Variants in BTBD9 observed in about 807,000 individuals in gnomAD.
The protein encoded by BTBD9 is BTB domain containing 9.
A neutral mutation model predicts 64.3 loss-of-function variants in BTBD9; 49 were observed. The observed-to-expected ratio is 0.76, with a 90% CI of 0.61 to 0.97. The LOEUF (loss-of-function observed/expected upper bound fraction) is 0.97, where lower values mean the gene tolerates loss of function less well. Among genes scored for constraint, BTBD9 ranks in the 50% least tolerant of loss-of-function variants. The probability of loss-of-function intolerance (pLI) is 0.00; values close to 1 mark genes in which losing one functional copy is unlikely to be tolerated. For synonymous variants in BTBD9, 260 were observed against 274.7 expected, an observed-to-expected ratio of 0.95 and a Z score of 0.53; for missense variants, 598 against 762.1, an observed-to-expected ratio of 0.78 and a Z score of 2.53.
At chr6:38,549,292 T>C (rs1162988395) in intron 6 of BTBD9, among the ~76,000 whole-genome samples, 2 of 152,204 alleles carry the variant, frequency 1.3e-5, no homozygotes, top group Non-Finnish European at 2.9e-5. Context: ...TATGGTTAAA[T>C]AGATAATGGA....
intron 7 of BTBD9, among the ~76,000 whole-genome samples, chr6:38,320,889 A>G (rs1187275264): frequency 6.6e-6 from 1 of 152,222 alleles, no homozygotes; most frequent in African/African-American, 2.4e-5. Flanking sequence ...GCAAAGGAAG[A>G]ACCAATAACA....
At chr6:38,328,968 ATGTGTG>A (rs70981541) in intron 7 of BTBD9, among the ~76,000 whole-genome samples, 23,177 of 127,082 alleles carry the variant, frequency 0.18, 1,782 homozygotes, top group Admixed American at 0.22. Flanking sequence ...GAAAGAAAAT[ATGTGTG>A]TGTGTGTGTG....
rs1021584197 is a variant in BTBD9, at chr6:38,638,305, G to C, written c.-28+1495C>G. ...CTACTGCTCTCAAAGGGAAAAAAAA[G>C]ACAGGTCTTCTATGTCATTTTTCAC... On this transcript the variant is annotated intron_variant, in intron 1 of 10. Transcript: ENST00000481247. Among the ~76,000 whole-genome samples the C allele has an allele frequency of 3.9e-5, 6 of 152,094 alleles. 1 individual carries two copies. The highest frequency in any genetic ancestry group is 3.9e-4 in the Admixed American group (6 of 15,264).
intron 7 of BTBD9, among the ~76,000 whole-genome samples, chr6:38,310,647 A>G (rs543315513): frequency 1.3e-5 from 2 of 152,294 alleles, no homozygotes; most frequent in East Asian, 3.9e-4. Context: ...AAATGGATAC[A>G]GTAGTTTTTT....
At chr6:38,629,464 C>T (rs985980425) in intron 1 of BTBD9, among the ~76,000 whole-genome samples, 61 of 152,156 alleles carry the variant, frequency 4.0e-4, no homozygotes, top group Admixed American at 3.9e-3. Flanking sequence ...TCTATATTAC[C>T]GCCAAAACTG....
rs544033905 is a variant in BTBD9 at position 38,342,498 on chromosome 6, T to C, written c.1264+2486A>G. On this transcript the variant is annotated intron_variant, in intron 7 of 10. Coordinates refer to ENST00000481247, the MANE Select transcript of BTBD9 (RefSeq NM_001099272.2). ...TTGCAGTGAGGCAAGATTGTGCCAC[T>C]GCACTCCAGCCTGGACAACAGAGCG... Among the ~76,000 whole-genome samples the C allele has an allele frequency of 2.8e-5, 4 of 140,426 alleles. No individual in the cohort carries two copies. The East Asian group carries it at 6.4e-4, about 22-fold the overall frequency. The allele number at this position is 140,426 out of a possible 152,430, so 92.1% of individuals were successfully genotyped here.
chr6:38,282,817 C>T (rs1285972059), intron 8 of BTBD9, among the ~76,000 whole-genome samples: 1 of 152,158 alleles, frequency 6.6e-6, no homozygotes, highest in Non-Finnish European at 1.5e-5. Flanking sequence ...CCTTCCTGAC[C>T]ACCCAATCTA....
At chr6:38,375,916 A>AAAGT (rs1448914956) in intron 6 of BTBD9, among the ~76,000 whole-genome samples, 37 of 137,096 alleles carry the variant, frequency 2.7e-4, no homozygotes, top group Admixed American at 1.4e-3. Flanking sequence ...AGAAAGAAAG[A>AAAGT]AAGAAAGAAA....
chr6:38,556,022 T>A (rs888322470), intron 6 of BTBD9, among the ~76,000 whole-genome samples: 4 of 152,324 alleles, frequency 2.6e-5, no homozygotes, highest in Non-Finnish European at 5.9e-5. Context: ...TTAGTGAACA[T>A]TTTTATACTA....
intron 6 of BTBD9, among the ~76,000 whole-genome samples, chr6:38,362,921 TG>T (rs1307360152): frequency 6.6e-5 from 10 of 152,054 alleles, no homozygotes; most frequent in African/African-American, 2.4e-4. Context: ...CTTTCACTCA[TG>T]GGAATCTCAG....
intron 5 of BTBD9, 56 bp from the exon 6 acceptor site, chr6:38,577,775 A>C: frequency 1.3e-6 from 2 of 1,493,058 alleles, no homozygotes; most frequent in East Asian, 2.3e-5. Context: ...AACAATACAA[A>C]GCTGTACTTT....
intron 6 of BTBD9, among the ~76,000 whole-genome samples, chr6:38,464,006 TG>T (rs1288653992): frequency 1.3e-5 from 2 of 152,114 alleles, no homozygotes; most frequent in African/African-American, 4.8e-5. Context: ...CACTCCAGCC[TG>T]GGGAACAAAG....
At chr6:38,305,330 C>G (rs1225863785) in intron 7 of BTBD9, among the ~76,000 whole-genome samples, 1 of 152,144 alleles carries the variant, frequency 6.6e-6, no homozygotes, top group Non-Finnish European at 1.5e-5. Context: ...CTCAACTTCT[C>G]CCCTAAAAGT....
intron 4 of BTBD9, among the ~76,000 whole-genome samples, chr6:38,583,819 C>G (rs955286268): frequency 6.6e-6 from 1 of 152,124 alleles, no homozygotes; most frequent in Non-Finnish European, 1.5e-5. Context: ...AACATCTACA[C>G]AAGTGGAAAT....
chr6:38,580,487 G>GT (rs759244050), intron 4 of BTBD9, 50 bp from the exon 5 acceptor site: 3 of 1,471,004 alleles, frequency 2.0e-6, no homozygotes, highest in Non-Finnish European at 2.8e-6. Context: ...TATTTATTCT[G>GT]TATTTTTTGA....
intron 6 of BTBD9, among the ~76,000 whole-genome samples, chr6:38,548,548 G>C (rs556482804): frequency 7.9e-5 from 12 of 151,994 alleles, no homozygotes; most frequent in African/African-American, 2.9e-4. Context: ...TGCATTCCTA[G>C]ATGGCATCTT....
intron 6 of BTBD9, among the ~76,000 whole-genome samples, chr6:38,367,822 A>AAAC (rs1562086236): frequency 1.0e-5 from 1 of 98,338 alleles, no homozygotes; most frequent in East Asian, 2.0e-4. Context: ...AAAAAAAAAA[A>AAAC]AAAAAAAAAC....
chr6:38,451,879 T>C (rs1769572101), intron 6 of BTBD9, among the ~76,000 whole-genome samples: 1 of 152,118 alleles, frequency 6.6e-6, no homozygotes, highest in African/African-American at 2.4e-5. Context: ...CTGTCTGTAG[T>C]GTACTTGAGG....
At chr6:38,618,942 T>A (rs562295531) in intron 1 of BTBD9, among the ~76,000 whole-genome samples, 1 of 152,200 alleles carries the variant, frequency 6.6e-6, no homozygotes, top group East Asian at 1.9e-4. Flanking sequence ...CCAGTATGGA[T>A]CCCCACTGGG....
Sources: gnomAD v4.1 joint callset for allele counts (sites outside exome capture counted in the v4.1 genomes callset) on GRCh38, gnomAD v4.1.1 for gene constraint, MANE v1.5 for transcripts, NCBI Gene and HGNC (gene_info 2026-07-23, HGNC 2026-07-21) for gene names.